The following LPP variants were observed in gnomAD, a reference collection of about 807,000 sequenced individuals.
LPP encodes the protein LIM domain containing preferred translocation partner in lipoma, also known as lipoma-preferred partner.
LPP carries 38 observed loss-of-function variants against 60.4 expected under a neutral mutation model. The ratio of observed to expected loss-of-function variants is 0.63; its 90% confidence interval spans 0.49 to 0.83. LPP has a LOEUF of 0.83. Among genes scored for constraint, LPP ranks in the 40% least tolerant of loss-of-function variants. The pLI, the probability that LPP is intolerant of heterozygous loss-of-function variation, is 0.00. For missense variants in LPP, 902 were observed against 783.6 expected, an observed-to-expected ratio of 1.15 and a Z score of -1.80; for synonymous variants, 328 against 290.8, an observed-to-expected ratio of 1.13 and a Z score of -1.30.
At chr3:188,659,000 G>A (rs936894620) in intron 7 of LPP, among the ~76,000 whole-genome samples, 6 of 152,168 alleles carry the variant, frequency 3.9e-5, no homozygotes, top group Non-Finnish European at 4.4e-5. Flanking sequence ...TGTCTTTCAG[G>A]AAACACAAGG....
chr3:188,484,045 A>G (rs931241510), intron 4 of LPP, among the ~76,000 whole-genome samples: 1 of 151,854 alleles, frequency 6.6e-6, no homozygotes, highest in African/African-American at 2.4e-5. Context: ...TTTATTCTCT[A>G]TGCTCTGAAC....
chr3:188,708,177 T>C (rs974956468), intron 7 of LPP, 90 bp from the exon 8 acceptor site: 3 of 1,459,448 alleles, frequency 2.1e-6, no homozygotes, highest in Non-Finnish European at 2.8e-6. Context: ...TGCTTTTTCC[T>C]CTCCAGTGCA....
At chr3:188,240,400 A>C (rs1723853525) in intron 2 of LPP, among the ~76,000 whole-genome samples, 1 of 151,502 alleles carries the variant, frequency 6.6e-6, no homozygotes, top group Admixed American at 6.6e-5. Context: ...AGAGAGAAAG[A>C]GGTAAAGAGG....
chr3:188,639,193 G>C (rs550362316), intron 7 of LPP, among the ~76,000 whole-genome samples: 1 of 152,228 alleles, frequency 6.6e-6, no homozygotes, highest in African/African-American at 2.4e-5. Flanking sequence ...ACAGAACAGA[G>C]TCCTCAGAAA....
chr3:188,687,917 G>A (rs1325446891), intron 7 of LPP, among the ~76,000 whole-genome samples: 3 of 152,044 alleles, frequency 2.0e-5, no homozygotes, highest in African/African-American at 7.2e-5. Flanking sequence ...TGGGACTACA[G>A]GCGCCCATCA....
chr3:188,466,616 A>G (rs1449079770), intron 4 of LPP, among the ~76,000 whole-genome samples: 5 of 151,508 alleles, frequency 3.3e-5, no homozygotes, highest in Non-Finnish European at 7.4e-5. Flanking sequence ...GGGTTTATAA[A>G]TACCTATTGA....
intron 7 of LPP, among the ~76,000 whole-genome samples, chr3:188,687,252 C>G (rs143071650): frequency 6.6e-6 from 1 of 152,156 alleles, no homozygotes; most frequent in Admixed American, 6.5e-5. Context: ...CCTCTCTCCC[C>G]CACCCTGGTA....
intron 5 of LPP, among the ~76,000 whole-genome samples, chr3:188,522,965 T>G (rs1198061469): frequency 6.6e-6 from 1 of 151,688 alleles, no homozygotes; most frequent in Non-Finnish European, 1.5e-5. Flanking sequence ...TGGAGTGCAG[T>G]GGTACGATCT....
chr3:188,865,785 A>G (rs964218976), intron 9 of LPP, among the ~76,000 whole-genome samples: 2 of 152,166 alleles, frequency 1.3e-5, no homozygotes, highest in African/African-American at 2.4e-5. Flanking sequence ...ACTTGTTACA[A>G]CAAAGCCAGA....
At chr3:188,434,127 G>T (rs772875145) in intron 4 of LPP, among the ~76,000 whole-genome samples, 19 of 152,132 alleles carry the variant, frequency 1.2e-4, no homozygotes, top group Non-Finnish European at 2.8e-4. Context: ...CTTGTTAATC[G>T]TGTAGCAGTC....
Position 188,572,086 on chromosome 3 carries a change from A to C in LPP, c.430-37075A>C, listed in dbSNP as rs1047331898. On this transcript the variant is annotated intron_variant, in intron 6 of 11. Transcript: ENST00000617246. This position sits in a 1 kb window ranked among gnomAD's most constrained non-coding sequence, Gnocchi z 4.1. ...CCCAGAGGTCAGTATAATGAGGAAA[A>C]CATAGAACTTCCATGATTTTGACTT... 2.6e-5 allele frequency among the ~76,000 whole-genome samples: 4 copies of C among 152,050 alleles called. No individual in the cohort carries two copies. Among genetic ancestry groups the C allele is most frequent in the African/African-American group, 9.7e-5 (4 of 41,416 alleles).
intron 8 of LPP, among the ~76,000 whole-genome samples, chr3:188,737,861 G>A (rs980781814): frequency 6.6e-6 from 1 of 152,144 alleles, no homozygotes; most frequent in African/African-American, 2.4e-5. Context: ...AGAAAAATCT[G>A]TGCTGTTTAA....
intron 4 of LPP, among the ~76,000 whole-genome samples, chr3:188,477,273 G>C (rs1184736432): frequency 6.6e-6 from 1 of 152,192 alleles, no homozygotes; most frequent in Non-Finnish European, 1.5e-5. Context: ...TCAGAGGTCT[G>C]AAGCAGGAAG....
At chr3:188,708,653 T>G in intron 8 of LPP, 1 of 557,706 alleles carries the variant, frequency 1.8e-6, no homozygotes, top group Non-Finnish European at 3.2e-6. Flanking sequence ...TTGAGACTTA[T>G]TTTTTACCAG....
intron 1 of LPP, among the ~76,000 whole-genome samples, chr3:188,171,050 G>A (rs1048691219): frequency 8.1e-6 from 1 of 123,324 alleles, no homozygotes; most frequent in Admixed American, 8.5e-5. Context: ...AACCTGGGTT[G>A]TATTTCTCAT....
chr3:188,367,737 T>C (rs1771650872), intron 3 of LPP, among the ~76,000 whole-genome samples: 1 of 152,232 alleles, frequency 6.6e-6, no homozygotes, highest in African/African-American at 2.4e-5. Flanking sequence ...TTTCCACCCA[T>C]TGTGGAGATT....
chr3:188,436,980 G>C (rs927625326), intron 4 of LPP, among the ~76,000 whole-genome samples: 1 of 152,068 alleles, frequency 6.6e-6, no homozygotes, highest in Non-Finnish European at 1.5e-5. Flanking sequence ...GATGATCCAG[G>C]GGATCAGAGA....
intron 2 of LPP, among the ~76,000 whole-genome samples, chr3:188,329,606 A>G (rs1441646603): frequency 6.6e-6 from 1 of 151,848 alleles, no homozygotes; most frequent in African/African-American, 2.4e-5. Context: ...CAAAACCTGT[A>G]TAATTATTGA....
intron 9 of LPP, among the ~76,000 whole-genome samples, chr3:188,851,799 TA>T (rs1762737611): frequency 6.6e-6 from 1 of 152,226 alleles, no homozygotes; most frequent in Non-Finnish European, 1.5e-5. Context: ...AATACCTATT[TA>T]CTCCAAAAAT....
Sources: allele counts gnomAD v4.1 joint callset (sites outside exome capture counted in the v4.1 genomes callset), GRCh38; gene constraint gnomAD v4.1.1; non-coding constraint Gnocchi (gnomAD v3.1); transcripts MANE v1.5; gene names NCBI Gene and HGNC (gene_info 2026-07-23, HGNC 2026-07-21).